Variants in VWA8 observed in about 807,000 individuals in gnomAD.
VWA8 encodes the protein von Willebrand factor A domain containing 8, also known as von Willebrand factor A domain-containing protein 8.
VWA8 carries 221 observed loss-of-function variants against 241.5 expected under a neutral mutation model. That is an observed-to-expected ratio of 0.91 (90% CI 0.82 to 1.02). VWA8 has a LOEUF of 1.02. Among genes scored for constraint, VWA8 ranks in the 50% least tolerant of loss-of-function variants. VWA8 has a pLI of 0.00. For missense variants in VWA8, 2,322 were observed against 2,328.7 expected (o/e 1.00, Z 0.06); for synonymous variants, 852 against 827.1 (o/e 1.03, Z -0.52).
In VWA8 at chr13:41,573,610, C is replaced by CATATATATATAT. The variant is rs1239166610; in HGVS notation, c.5370+2129_5370+2130insATATATATATAT. Among the ~76,000 whole-genome samples the CATATATATATAT allele has an allele frequency of 1.0e-3, 146 of 140,190 alleles. 3 individuals are homozygous for CATATATATATAT. Among genetic ancestry groups the CATATATATATAT allele is most frequent in the African/African-American group, 3.7e-3 (133 of 35,704 alleles). The allele number at this position is 140,190 out of a possible 152,430, so 92.0% of individuals were successfully genotyped here. A position where few individuals can be genotyped will look rare whatever the true frequency, so the allele number is the denominator to read the frequency against. ...ATATATATACACCTCTATATATACG[C>CATATATATATAT]ATATATATGGTGTGTGTGTGTGTGA... is the stretch of plus-strand genomic sequence containing the variant. On this transcript the variant is annotated intron_variant, in intron 43 of 44. Coordinates refer to ENST00000379310, the MANE Select transcript of VWA8 (RefSeq NM_015058.2).
chr13:41,767,825 T>C (rs1471947823), intron 20 of VWA8, among the ~76,000 whole-genome samples: 1 of 152,224 alleles, frequency 6.6e-6, no homozygotes, highest in African/African-American at 2.4e-5. Flanking sequence ...AAAATCCACT[T>C]TTGGGTAGTG....
At chr13:41,747,082 C>A (rs563841859) in intron 21 of VWA8, among the ~76,000 whole-genome samples, 43 of 152,170 alleles carry the variant, frequency 2.8e-4, no homozygotes, top group Non-Finnish European at 5.4e-4. Flanking sequence ...GCAATGCGGG[C>A]TCTTTTTTGG....
At chr13:41,805,770 C>T (rs145180721) in intron 17 of VWA8, among the ~76,000 whole-genome samples, 43 of 151,730 alleles carry the variant, frequency 2.8e-4, no homozygotes, top group African/African-American at 8.9e-4. Context: ...GCCAAGATTG[C>T]GCCATTGCAC....
chr13:41,842,055 T>A (rs1242621998), intron 12 of VWA8, among the ~76,000 whole-genome samples: 1 of 151,578 alleles, frequency 6.6e-6, no homozygotes, highest in Non-Finnish European at 1.5e-5. Flanking sequence ...TCTGGGATTA[T>A]GTGAATAAAA....
chr13:41,887,132 C>CA, intron 6 of VWA8, 65 bp downstream of exon 6: 1 of 1,540,652 alleles, frequency 6.5e-7, no homozygotes, highest in South Asian at 1.2e-5. Flanking sequence ...ATTTTTATAG[C>CA]ATTGAAGTTC....
intron 21 of VWA8, among the ~76,000 whole-genome samples, chr13:41,757,287 T>C (rs1001345155): frequency 1.3e-5 from 2 of 151,786 alleles, no homozygotes; most frequent in Non-Finnish European, 3.0e-5. Flanking sequence ...AGTTTTAATA[T>C]GACAAATACT....
intron 41 of VWA8, among the ~76,000 whole-genome samples, chr13:41,589,642 G>A (rs932134129): frequency 2.6e-4 from 40 of 152,284 alleles, no homozygotes; most frequent in African/African-American, 7.7e-4. Context: ...ACTGTCTAAA[G>A]TTCAGAGCTC....
intron 26 of VWA8, among the ~76,000 whole-genome samples, chr13:41,716,299 A>G (rs74874680): frequency 0.023 from 3,433 of 152,156 alleles, 128 homozygotes; most frequent in African/African-American, 0.078. Context: ...ATTAAAGAAG[A>G]CAAGTTAAAT....
At chr13:41,750,984 T>A (rs1306365168) in intron 21 of VWA8, among the ~76,000 whole-genome samples, 2 of 151,988 alleles carry the variant, frequency 1.3e-5, no homozygotes, top group African/African-American at 4.8e-5. Context: ...TTGGCCAAAT[T>A]GTTTAACCTC....
In VWA8 at chr13:41,811,274, A is replaced by C; in HGVS notation, c.2014T>G (p.Tyr672Asp). The C allele has an allele frequency of 2.5e-6, 4 of 1,611,382 alleles. No homozygotes were observed. The highest frequency in any genetic ancestry group is 3.4e-6 in the Non-Finnish European group (4 of 1,177,932). The change falls in exon 17 of 45, where the codon TAT becomes GAT. Residue 672 changes from tyrosine to aspartate, a missense_variant. Physicochemically the swap from Tyr to Asp is radical, Grantham distance 160. Coordinates refer to ENST00000379310, the MANE Select transcript of VWA8 (RefSeq NM_015058.2). ...LLRISRRLSQ[Y>D]PNENLHSAVT... is the part of the protein sequence containing the mutation. ...GCACTGTGAAGATTTTCATTAGGATACTGTGACAGCCGACGAGAAATTCGC... is the reference window on the plus strand; with the variant it reads ...GCACTGTGAAGATTTTCATTAGGATCCTGTGACAGCCGACGAGAAATTCGC...
intron 26 of VWA8, among the ~76,000 whole-genome samples, chr13:41,714,968 C>T (rs762902981): frequency 4.0e-5 from 6 of 151,844 alleles, no homozygotes; most frequent in Non-Finnish European, 7.4e-5. Flanking sequence ...TAGAAATTCC[C>T]TGCAATCTAC....
At chr13:41,894,423 C>A (rs1379908896) in intron 4 of VWA8, among the ~76,000 whole-genome samples, 1 of 152,206 alleles carries the variant, frequency 6.6e-6, no homozygotes, top group Non-Finnish European at 1.5e-5. Context: ...ATTTAATGAT[C>A]TCTTGAAAAT....
At chr13:41,702,932 C>A (rs117856820) in intron 27 of VWA8, among the ~76,000 whole-genome samples, 5 of 152,292 alleles carry the variant, frequency 3.3e-5, no homozygotes, top group East Asian at 3.9e-4. Context: ...TCTATTACAA[C>A]TAGTAACGGA....
At chr13:41,824,463 T>C (rs1871094031) in intron 14 of VWA8, among the ~76,000 whole-genome samples, 1 of 152,078 alleles carries the variant, frequency 6.6e-6, no homozygotes, top group Non-Finnish European at 1.5e-5. Flanking sequence ...CTAAGACACC[T>C]AAGGAGAGAT....
intron 1 of VWA8, among the ~76,000 whole-genome samples, chr13:41,950,311 C>T (rs911207271): frequency 6.6e-6 from 1 of 151,802 alleles, no homozygotes; most frequent in Non-Finnish European, 1.5e-5. Flanking sequence ...TAGGCAAAAG[C>T]AATACAGAAG....
At chr13:41,606,979 T>C (rs1354913691) in intron 39 of VWA8, among the ~76,000 whole-genome samples, 1 of 152,220 alleles carries the variant, frequency 6.6e-6, no homozygotes, top group Non-Finnish European at 1.5e-5. Flanking sequence ...TGTTGCCCTC[T>C]GTTATGGTGT....
chr13:41,790,390 T>C (rs2137947041), intron 17 of VWA8, among the ~76,000 whole-genome samples: 1 of 152,126 alleles, frequency 6.6e-6, no homozygotes, highest in Non-Finnish European at 1.5e-5. Flanking sequence ...TCACTTTGCT[T>C]ATTTATTTAT....
At chr13:41,887,960 T>G (rs1165116555) in intron 5 of VWA8, among the ~76,000 whole-genome samples, 1 of 152,206 alleles carries the variant, frequency 6.6e-6, no homozygotes, top group Non-Finnish European at 1.5e-5. Context: ...GTCCTGCAAC[T>G]AGCATACAGT....
At chr13:41,763,313 ATAGATAGATAGATAG>A (rs1566446871) in intron 20 of VWA8, among the ~76,000 whole-genome samples, 50 of 120,564 alleles carry the variant, frequency 4.1e-4, no homozygotes, top group African/African-American at 1.4e-3. Flanking sequence ...AAATAAATAG[ATAGATAGATAGATAG>A]ATAGATAGAT....
Sources: gnomAD v4.1 joint callset for allele counts (sites outside exome capture counted in the v4.1 genomes callset) on GRCh38, gnomAD v4.1.1 for gene constraint, MANE v1.5 for transcripts, NCBI Gene and HGNC (gene_info 2026-07-23, HGNC 2026-07-21) for gene names.